TLL2: variants seen among roughly 807,000 people sequenced by gnomAD.
TLL2 encodes tolloid like 2, also known as tolloid-like protein 2.
A neutral mutation model predicts 123.0 loss-of-function variants in TLL2; 106 were observed. The ratio of observed to expected loss-of-function variants is 0.86; its 90% CI spans 0.74 to 1.01. The LOEUF (loss-of-function observed/expected upper bound fraction) is 1.01, where lower values mean the gene tolerates loss of function less well. TLL2 is among the 50% of genes least tolerant of loss of function. The pLI is 0.00. For synonymous variants in TLL2, 494 were observed against 516.8 expected, an observed-to-expected ratio of 0.96 and a Z score of 0.60; for missense variants, 1,332 against 1,336.7, an observed-to-expected ratio of 1.00 and a Z score of 0.06.
intron 2 of TLL2, among the ~76,000 whole-genome samples, chr10:96,469,945 T>C (rs759156228): frequency 5.3e-5 from 8 of 151,952 alleles, no homozygotes; most frequent in Non-Finnish European, 1.0e-4. Flanking sequence ...GAAGATCAAG[T>C]TCTGACCGGT....
chr10:96,487,918 G>T (rs758455146), intron 1 of TLL2, among the ~76,000 whole-genome samples: 5 of 152,140 alleles, frequency 3.3e-5, no homozygotes, highest in African/African-American at 4.8e-5. Context: ...ACTCGCCAAG[G>T]AAAGTCATCA....
At chr10:96,491,880 C>T (rs564459596) in intron 1 of TLL2, among the ~76,000 whole-genome samples, 10 of 152,250 alleles carry the variant, frequency 6.6e-5, no homozygotes, top group African/African-American at 2.4e-4. Context: ...ACAGCCAGCT[C>T]CGGGCCACTG....
In TLL2 at chr10:96,366,641, T is replaced by A. The variant is rs1025564018; in HGVS notation, c.*1447A>T. 4 of 152,526 alleles carry A rather than the reference T, an allele frequency of 2.6e-5. No individual in the cohort carries two copies. Among genetic ancestry groups the A allele is most frequent in the African/African-American group, 9.6e-5 (4 of 41,462 alleles). The allele number at this position is 152,526 out of a possible 1,614,324, so 9.4% of individuals were successfully genotyped here. On this transcript the variant is annotated 3_prime_UTR_variant, in exon 21 of 21. Transcript: ENST00000357947. Reference sequence around the variant, plus strand: ...ATAACCTTTCACCTTTTACATATACTTTGTTTAAAATGATGCTGATTCATC... The same window carrying A: ...ATAACCTTTCACCTTTTACATATACATTGTTTAAAATGATGCTGATTCATC...
chr10:96,401,189 G>A (rs1846389487), intron 10 of TLL2, among the ~76,000 whole-genome samples: 2 of 152,190 alleles, frequency 1.3e-5, no homozygotes, highest in South Asian at 2.1e-4. Flanking sequence ...TTCATAAAAA[G>A]TTATGCGTCC....
chr10:96,513,740 G>A lies in TLL2; in HGVS notation c.-55C>T. On this transcript the variant is annotated 5_prime_UTR_variant, in exon 1 of 21. Coordinates refer to ENST00000357947, the MANE Select transcript of TLL2 (RefSeq NM_012465.4). ...AGTTGCGTGCACGAAAGCTCAGCTC[G>A]GCCGAAAGACGGCGCACACTGGGTC... The A allele has an allele frequency of 2.1e-6, 3 of 1,431,842 alleles. No individual in the cohort carries two copies. Among genetic ancestry groups the A allele is most frequent in the Non-Finnish European group, 2.7e-6 (3 of 1,095,048 alleles). 88.7% of individuals were successfully genotyped at this position (1,431,842 alleles called of 1,614,324 possible).
chr10:96,463,259 T>C (rs1315063344), intron 2 of TLL2, among the ~76,000 whole-genome samples: 2 of 152,146 alleles, frequency 1.3e-5, no homozygotes, highest in Non-Finnish European at 2.9e-5. Context: ...AGCCTGCAGC[T>C]TCCCACTGCG....
Position 96,432,914 on chromosome 10 carries a change from G to T in TLL2, c.413C>A (p.Ala138Asp), listed in dbSNP as rs764664323. The change falls in exon 4 of 21, where the codon GCC (alanine) becomes GAC (aspartate). Residue 138 changes from alanine (A) to aspartate (D), a missense_variant. Physicochemically the swap from Ala to Asp is moderately radical, Grantham distance 126. Coordinates refer to ENST00000357947, the MANE Select transcript of TLL2 (RefSeq NM_012465.4). Reference sequence around the variant, plus strand: ...CCGGGGAGAGAAGGTCTTGGCTGCGGCATGCAAGGTCCCAGGGCTGTGCAG... The same window carrying T: ...CCGGGGAGAGAAGGTCTTGGCTGCGTCATGCAAGGTCCCAGGGCTGTGCAG... ...TLLHSPGTLH[A>D]AAKTFSPRVR... 9.9e-6 allele frequency: 16 copies of T among 1,614,012 alleles called. No homozygotes were observed. The highest frequency in any genetic ancestry group is 5.1e-6 in the Non-Finnish European group (6 of 1,180,020).
At chr10:96,383,996 T>C (rs1171866144) in intron 16 of TLL2, among the ~76,000 whole-genome samples, 1 of 152,144 alleles carries the variant, frequency 6.6e-6, no homozygotes, top group African/African-American at 2.4e-5. Flanking sequence ...TAATACAATG[T>C]GGAACCTTAG....
intron 2 of TLL2, among the ~76,000 whole-genome samples, chr10:96,456,396 A>AGAGGAGAAGAGAG (rs1372025848): frequency 6.6e-6 from 1 of 152,142 alleles, no homozygotes; most frequent in Non-Finnish European, 1.5e-5. Flanking sequence ...CCTCTGAGGA[A>AGAGGAGAAGAGAG]GAGGAGAAGA....
intron 20 of TLL2, 49 bp from the exon 21 acceptor site, chr10:96,368,271 G>A (rs1343532505): frequency 6.2e-7 from 1 of 1,602,414 alleles, no homozygotes; most frequent in South Asian, 1.1e-5. Context: ...TGTGATTGGA[G>A]TTGAAAATGA....
chr10:96,394,999 T>C (rs910501104), intron 13 of TLL2, among the ~76,000 whole-genome samples, 188 bp downstream of exon 13: 2 of 152,264 alleles, frequency 1.3e-5, no homozygotes, highest in African/African-American at 4.8e-5. Context: ...AAGCCAAGGC[T>C]GAGCCTGCTC....
intron 1 of TLL2, among the ~76,000 whole-genome samples, chr10:96,498,206 T>C (rs1427104991): frequency 6.6e-6 from 1 of 152,102 alleles, no homozygotes. Flanking sequence ...AGACCCTAAG[T>C]CGCAGAGGAT....
chr10:96,497,620 T>C (rs1847489889), intron 1 of TLL2, among the ~76,000 whole-genome samples: 1 of 152,158 alleles, frequency 6.6e-6, no homozygotes, highest in Admixed American at 6.5e-5. Flanking sequence ...CTTCCCCTCC[T>C]ACCCAGTTCC....
At chr10:96,458,097 G>A (rs1847034954) in intron 2 of TLL2, among the ~76,000 whole-genome samples, 1 of 152,096 alleles carries the variant, frequency 6.6e-6, no homozygotes, top group Admixed American at 6.5e-5. Context: ...AAGGGAGGCT[G>A]TAGGATGTAA....
At position 96,513,668 on chromosome 10, in the gene TLL2, T is replaced by A. The variant is rs1191805860; in HGVS notation, c.18A>T (p.Ala6=). MPRAT[A]LGALVSLLLL... Reference sequence around the variant, plus strand: ...GCAGCAGTGACACCAGGGCCCCAAGTGCAGTCGCCCGGGGCATGGTGGCGC... The same window carrying A: ...GCAGCAGTGACACCAGGGCCCCAAGAGCAGTCGCCCGGGGCATGGTGGCGC... Residue 6 remains alanine, a synonymous_variant, in exon 1 of 21, where the codon GCA becomes GCT. Coordinates refer to ENST00000357947, the MANE Select transcript of TLL2 (RefSeq NM_012465.4). The A allele has an allele frequency of 1.3e-6, 2 of 1,563,514 alleles. No individual in the cohort carries two copies. The highest frequency in any genetic ancestry group is 1.7e-6 in the Non-Finnish European group (2 of 1,160,922).
chr10:96,395,232 C>G lies in TLL2; in HGVS notation c.1681G>C (p.Asp561His), dbSNP rs577410035. 1 of 1,612,652 alleles carries G rather than the reference C, an allele frequency of 6.2e-7. No individual in the cohort carries two copies. Among genetic ancestry groups the G allele is most frequent in the Non-Finnish European group, 8.5e-7 (1 of 1,179,560 alleles). Residue 561 changes from aspartate (D) to histidine (H), a missense_variant, in exon 13 of 21, where the codon GAT (aspartate) becomes CAT (histidine). By Grantham distance (81) the Asp-to-His change is moderately conservative (BLOSUM62 -1). Transcript: ENST00000357947. Reference sequence around the variant, plus strand: ...AAGCCCGCTTTATTGATAGAGCCATCGGACACAAACTTCATCCACAGTCTG... The same window carrying G: ...AAGCCCGCTTTATTGATAGAGCCATGGGACACAAACTTCATCCACAGTCTG... ...SNRLWMKFVS[D>H]GSINKAGFAA... is the part of the protein sequence containing the mutation.
chr10:96,430,617 T>C (rs77894502), intron 4 of TLL2, among the ~76,000 whole-genome samples: 1,660 of 152,374 alleles, frequency 0.011, 32 homozygotes, highest in African/African-American at 0.038. Context: ...GATTCATGTC[T>C]GTAATCCCAG....
chr10:96,507,252 G>T (rs1337580572), intron 1 of TLL2, among the ~76,000 whole-genome samples: 1 of 151,718 alleles, frequency 6.6e-6, no homozygotes, highest in Admixed American at 6.6e-5. Context: ...GAGCAGCTGT[G>T]CCAGCCAGCC....
rs775694099 is a variant in TLL2, at chr10:96,393,405, A to G, written c.1726+1782T>C. Among the ~76,000 whole-genome samples, 87 of 152,254 alleles carry G rather than the reference A, an allele frequency of 5.7e-4. 1 individual carries two copies. Among genetic ancestry groups the G allele is most frequent in the Admixed American group, 6.5e-5 (1 of 15,284 alleles). On this transcript the variant is annotated intron_variant, in intron 13 of 20. Transcript: ENST00000357947. The stretch of plus-strand genomic sequence containing the variant: ...CACTACACTCGGTGTATTGACTTGC[A>G]CTATTCCATTTTCTCCTGATGACAG...
Sources: allele counts gnomAD v4.1 joint callset (sites outside exome capture counted in the v4.1 genomes callset), GRCh38; gene constraint gnomAD v4.1.1; transcripts MANE v1.5; gene names NCBI Gene and HGNC (gene_info 2026-07-23, HGNC 2026-07-21).